The following NRXN3 variants were observed in gnomAD, a reference collection of about 807,000 sequenced individuals.
NRXN3 encodes neurexin 3, also known as neurexin III.
Under a neutral mutation model 137.6 loss-of-function variants are expected in NRXN3, and 32 were observed. The observed-to-expected ratio is 0.23, with a 90% CI of 0.18 to 0.31. The LOEUF is 0.31. Among genes scored for constraint, NRXN3 ranks in the 10% least tolerant of loss-of-function variants. NRXN3 has a pLI of 1.00. For synonymous variants in NRXN3, 798 were observed against 784.5 expected, an observed-to-expected ratio of 1.02 and a Z score of -0.29; for missense variants, 1,574 against 2,062.5, an observed-to-expected ratio of 0.76 and a Z score of 4.59.
intron 15 of NRXN3, among the ~76,000 whole-genome samples, chr14:79,391,486 A>G (rs2094843502): frequency 6.6e-6 from 1 of 152,208 alleles, no homozygotes; most frequent in South Asian, 2.1e-4. Context: ...GTGAGGCTCA[A>G]ATAAAAAAAT....
At chr14:78,778,683 TTTC>T (rs533656442) in intron 8 of NRXN3, among the ~76,000 whole-genome samples, 2,799 of 70,010 alleles carry the variant, frequency 0.04, 46 homozygotes, top group Non-Finnish European at 0.056. Flanking sequence ...TTTTCTTTTC[TTTC>T]TTTCTTTCTT....
intron 15 of NRXN3, among the ~76,000 whole-genome samples, chr14:79,009,770 A>G (rs2099568000): frequency 6.6e-6 from 1 of 152,172 alleles, no homozygotes; most frequent in African/African-American, 2.4e-5. Flanking sequence ...TTTCTCCTCT[A>G]TGAATAATTT....
intron 15 of NRXN3, among the ~76,000 whole-genome samples, chr14:79,040,611 A>G (rs2099623544): frequency 6.6e-6 from 1 of 152,188 alleles, no homozygotes; most frequent in Admixed American, 6.5e-5. Flanking sequence ...ATTAAGGAGC[A>G]TGGACAGAAA....
rs140882463 is a variant in NRXN3 at position 78,845,062 on chromosome 14, G to GAA, written c.2275+34726_2275+34727dup. Among the ~76,000 whole-genome samples, 15 of 149,958 alleles carry GAA rather than the reference G, an allele frequency of 1.0e-4. No individual in the cohort carries two copies. In the East Asian group the frequency reaches 2.0e-3, roughly 20 times the overall value. On this transcript the variant is annotated intron_variant, in intron 10 of 20. Coordinates refer to ENST00000335750, the MANE Select transcript of NRXN3 (RefSeq NM_001330195.2). ...GTGATGTCTGTGATGTCACAGGCCTGAAAAAAAAACTGTTGCAATGATCTT... is the reference window on the plus strand; with the variant it reads ...GTGATGTCTGTGATGTCACAGGCCTGAAAAAAAAAAACTGTTGCAATGATCTT...
chr14:79,287,934 C>T (rs1266482418), intron 15 of NRXN3, among the ~76,000 whole-genome samples: 1 of 152,156 alleles, frequency 6.6e-6, no homozygotes, highest in Non-Finnish European at 1.5e-5. Flanking sequence ...CTTTTCATAT[C>T]TTCATCATTT....
intron 11 of NRXN3, 94 bp downstream of exon 11, chr14:78,957,455 G>A: frequency 7.1e-7 from 1 of 1,403,686 alleles, no homozygotes; most frequent in Non-Finnish European, 9.7e-7. Context: ...CTTTTATTTT[G>A]CATAGTAGAA....
chr14:78,485,535 G>A (rs150608715), intron 4 of NRXN3, among the ~76,000 whole-genome samples: 1,725 of 152,312 alleles, frequency 0.011, 19 homozygotes, highest in Middle Eastern at 0.031. Context: ...TCCTTTAAGG[G>A]TGTGGAGTAG....
chr14:79,215,552 G>A (rs571275056), intron 15 of NRXN3, among the ~76,000 whole-genome samples: 3 of 152,264 alleles, frequency 2.0e-5, no homozygotes, highest in African/African-American at 7.2e-5. Context: ...GTCTCACATG[G>A]CAGCAGACAA....
chr14:78,884,919 G>A (rs2099139021), intron 10 of NRXN3, among the ~76,000 whole-genome samples: 2 of 151,756 alleles, frequency 1.3e-5, no homozygotes, highest in Non-Finnish European at 2.9e-5. Flanking sequence ...TTAACAAAGT[G>A]ATAGTGTATT....
intron 1 of NRXN3, among the ~76,000 whole-genome samples, chr14:78,180,915 T>G (rs1193579734): frequency 1.3e-5 from 2 of 152,194 alleles, no homozygotes; most frequent in Non-Finnish European, 2.9e-5. Context: ...CATATTGAAA[T>G]CACCATATTA....
At chr14:79,076,072 A>G (rs1166607389) in intron 15 of NRXN3, among the ~76,000 whole-genome samples, 7 of 152,132 alleles carry the variant, frequency 4.6e-5, no homozygotes, top group African/African-American at 1.4e-4. Flanking sequence ...AACCATCCTC[A>G]TGAGTTAGAG....
chr14:79,720,793 T>C (rs1034454093), intron 19 of NRXN3, among the ~76,000 whole-genome samples: 2 of 152,156 alleles, frequency 1.3e-5, no homozygotes, highest in Admixed American at 6.6e-5. Context: ...AGAATGGTGT[T>C]TGCTTTGTGT....
chr14:79,370,285 C>CG (rs1413032093), intron 15 of NRXN3, among the ~76,000 whole-genome samples: 2 of 149,326 alleles, frequency 1.3e-5, no homozygotes, highest in African/African-American at 4.9e-5. Flanking sequence ...TAAAGTTTAT[C>CG]GGGTTTTTTT....
At chr14:78,174,379 C>A (rs184325965) in intron 1 of NRXN3, among the ~76,000 whole-genome samples, 1 of 152,244 alleles carries the variant, frequency 6.6e-6, no homozygotes, top group African/African-American at 2.4e-5. Context: ...GAGGGCACTG[C>A]AGAATATCCC....
intron 18 of NRXN3, 85 bp downstream of exon 18, chr14:79,692,347 G>T: frequency 1.0e-6 from 1 of 958,560 alleles, no homozygotes; most frequent in South Asian, 1.5e-5. Flanking sequence ...TTCCTTAAAT[G>T]ATAATCGCCT....
rs1245665189 is a variant in NRXN3, at chr14:79,644,062, A to G, written c.3445-19716A>G. Among the ~76,000 whole-genome samples the G allele has an allele frequency of 4.4e-5, 6 of 135,722 alleles. 2 individuals carry two copies. In the Admixed American group the frequency reaches 4.7e-4, roughly 11 times the overall value. The allele number at this position is 135,722 out of a possible 152,430, so 89.0% of individuals were successfully genotyped here. ...TATTGATTGATGGTGCAATTCTGAT[A>G]TTTATTAATAATGATCAATCTAAGT... is the stretch of plus-strand genomic sequence containing the variant. On this transcript the variant is annotated intron_variant, in intron 16 of 20. Coordinates refer to ENST00000335750, the MANE Select transcript of NRXN3 (RefSeq NM_001330195.2).
intron 10 of NRXN3, among the ~76,000 whole-genome samples, chr14:78,901,032 G>A (rs1295741334): frequency 5.3e-5 from 8 of 151,970 alleles, no homozygotes; most frequent in African/African-American, 1.9e-4. Context: ...TTCCCTATAA[G>A]CTAGAAATAA....
intron 4 of NRXN3, among the ~76,000 whole-genome samples, chr14:78,349,071 G>GA (rs1194880856): frequency 1.3e-5 from 2 of 152,196 alleles, no homozygotes; most frequent in African/African-American, 4.8e-5. Context: ...CACATGCCTG[G>GA]AATGAGCATT....
intron 16 of NRXN3, among the ~76,000 whole-genome samples, chr14:79,620,255 T>C (rs900074115): frequency 1.3e-5 from 2 of 152,152 alleles, no homozygotes; most frequent in Non-Finnish European, 2.9e-5. Context: ...AATAAAGCTT[T>C]AATATCACAA....
Sources: gnomAD v4.1 joint callset for allele counts (sites outside exome capture counted in the v4.1 genomes callset) on GRCh38, gnomAD v4.1.1 for gene constraint, MANE v1.5 for transcripts, NCBI Gene and HGNC (gene_info 2026-07-23, HGNC 2026-07-21) for gene names.